Variants in PTPRN2 observed in about 807,000 individuals in gnomAD.
PTPRN2 encodes protein tyrosine phosphatase receptor type N2.
PTPRN2 carries 74 observed loss-of-function variants against 118.8 expected under a neutral mutation model. The observed-to-expected ratio is 0.62, with a 90% CI of 0.52 to 0.76. The LOEUF (loss-of-function observed/expected upper bound fraction) is 0.76, where lower values mean the gene tolerates loss of function less well. Ranked by LOEUF, PTPRN2 falls within the 30% of genes least tolerant of loss-of-function variation. The pLI is 0.00. For missense variants in PTPRN2, 1,481 were observed against 1,394.4 expected (o/e 1.06, Z -0.99); for synonymous variants, 641 against 608.0 (o/e 1.05, Z -0.80).
At chr7:157,898,647 C>G (rs763227659) in intron 12 of PTPRN2, 26 bp downstream of exon 12, 1 of 1,552,510 alleles carries the variant, frequency 6.4e-7, no homozygotes. Context: ...GATCGCAGAG[C>G]AGACGGCACC....
chr7:158,333,504 A>G (rs1239682683), intron 2 of PTPRN2, among the ~76,000 whole-genome samples: 2 of 148,650 alleles, frequency 1.3e-5, no homozygotes, highest in African/African-American at 5.2e-5. Flanking sequence ...CGTCACTCAC[A>G]CCCACACTCT....
chr7:158,421,257 G>A (rs796986054), intron 2 of PTPRN2, among the ~76,000 whole-genome samples: 71 of 152,222 alleles, frequency 4.7e-4, no homozygotes, highest in African/African-American at 1.6e-3. Context: ...AATCACACTT[G>A]AAAAAAGAGC....
Position 157,596,039 on chromosome 7 carries a change from T to A in PTPRN2, c.2419-724A>T, listed in dbSNP as rs548511845. 8.5e-5 allele frequency among the ~76,000 whole-genome samples: 13 copies of A among 152,316 alleles called. No homozygotes were observed. The Middle Eastern group carries it at 0.01, about 120-fold the overall frequency. On this transcript the variant is annotated intron_variant, in intron 16 of 22. Transcript: ENST00000389418. This position sits in a 1 kb window ranked among gnomAD's most constrained non-coding sequence, Gnocchi z 4.2. ...GCCACGGAGCCCACCCAGGCTGCCC[T>A]GTGTTCAGGAGAACGAGCCTCTTGC... is the stretch of plus-strand genomic sequence containing the variant.
chr7:157,743,014 T>C (rs1002188020), intron 12 of PTPRN2, among the ~76,000 whole-genome samples: 4 of 152,330 alleles, frequency 2.6e-5, no homozygotes, highest in African/African-American at 7.2e-5. Flanking sequence ...GCTTGTGTTA[T>C]CTGTGGTGAA....
chr7:157,803,664 C>T (rs982834563), intron 12 of PTPRN2, among the ~76,000 whole-genome samples: 1 of 152,160 alleles, frequency 6.6e-6, no homozygotes. Context: ...TCCAGTTTCC[C>T]CAGCACCTGT....
chr7:157,992,394 C>CT, intron 11 of PTPRN2, among the ~76,000 whole-genome samples: 1 of 152,318 alleles, frequency 6.6e-6, no homozygotes, highest in East Asian at 1.9e-4. Flanking sequence ...CTTGCAGCCT[C>CT]TGAGCTTCTG....
intron 2 of PTPRN2, among the ~76,000 whole-genome samples, chr7:158,330,118 A>G (rs1804075156): frequency 7.5e-6 from 1 of 132,622 alleles, no homozygotes; most frequent in Non-Finnish European, 1.7e-5. Flanking sequence ...CTCTCACCAT[A>G]AGAGCTGACA....
At chr7:158,045,999 T>A (rs911922644) in intron 11 of PTPRN2, among the ~76,000 whole-genome samples, 1 of 148,978 alleles carries the variant, frequency 6.7e-6, no homozygotes, top group African/African-American at 2.5e-5. Context: ...GAACCTGCGA[T>A]CCTGGAGTCC....
chr7:158,179,815 C>T (rs1004561725), intron 5 of PTPRN2, among the ~76,000 whole-genome samples: 14 of 152,312 alleles, frequency 9.2e-5, no homozygotes, highest in African/African-American at 2.9e-4. Context: ...TTTACACTTG[C>T]CATGACAACA....
At chr7:158,508,746 CGG>C (rs1822963650) in intron 1 of PTPRN2, among the ~76,000 whole-genome samples, 1 of 11,198 alleles carries the variant, frequency 8.9e-5, no homozygotes, top group Non-Finnish European at 1.6e-4. Flanking sequence ...GGAGCAGGTG[CGG>C]AAGTGGCTCT....
At position 158,136,555 on chromosome 7, in the gene PTPRN2, A is replaced by AG. The variant is rs3839696; in HGVS notation, c.1173+99_1173+100insC. The AG allele has an allele frequency of 5.2e-5, 60 of 1,153,608 alleles. 1 individual carries two copies. In the East Asian group the frequency reaches 1.4e-3, roughly 28 times the overall value. The allele number at this position is 1,153,608 out of a possible 1,614,324, so 71.5% of individuals were successfully genotyped here. A position where few individuals can be genotyped will look rare whatever the true frequency, so the allele number is the denominator to read the frequency against. ...AGGGGTTTCTCCATAATTTTCTGGG[A>AG]AAAAAACTTTTGTATTTCATAAATG... On this transcript the variant is annotated intron_variant, in intron 8 of 22. Transcript: ENST00000389418.
chr7:158,460,171 G>A (rs1818873311), intron 2 of PTPRN2, among the ~76,000 whole-genome samples: 1 of 84,346 alleles, frequency 1.2e-5, no homozygotes, highest in Non-Finnish European at 2.4e-5. Flanking sequence ...TAGAGGGGCT[G>A]TGTGCCGTGA....
At chr7:158,189,918 T>C (rs1391465824) in intron 5 of PTPRN2, among the ~76,000 whole-genome samples, 1 of 152,128 alleles carries the variant, frequency 6.6e-6, no homozygotes, top group African/African-American at 2.4e-5. Flanking sequence ...GTGGGAGAAA[T>C]GCCAGTTTCC....
At chr7:157,876,678 C>G (rs1795786256) in intron 12 of PTPRN2, among the ~76,000 whole-genome samples, 2 of 152,210 alleles carry the variant, frequency 1.3e-5, no homozygotes, top group African/African-American at 4.8e-5. Flanking sequence ...AGAGGCCGCA[C>G]TGCACCCCAA....
At chr7:158,199,679 G>C (rs1585825646) in intron 4 of PTPRN2, among the ~76,000 whole-genome samples, 1 of 152,356 alleles carries the variant, frequency 6.6e-6, no homozygotes, top group African/African-American at 2.4e-5. Flanking sequence ...GAGAAAGCCA[G>C]GTGACATTCT....
rs1585932549 is a variant in PTPRN2, at chr7:158,237,528, A to T, written c.278-32255T>A. 9.9e-5 allele frequency among the ~76,000 whole-genome samples: 3 copies of T among 30,420 alleles called. 1 individual carries two copies. The East Asian group carries it at 2.9e-3, about 29-fold the overall frequency. 20.0% of individuals were successfully genotyped at this position (30,420 alleles called of 152,430 possible). A position where few individuals can be genotyped will look rare whatever the true frequency, so the allele number is the denominator to read the frequency against. On this transcript the variant is annotated intron_variant, in intron 3 of 22. Transcript: ENST00000389418. Reference sequence around the variant, plus strand: ...GTTTGTCTGCTGACCCTCTCCCCACAATTGTCTTGTGACCCTGACACATCC... The same window carrying T: ...GTTTGTCTGCTGACCCTCTCCCCACTATTGTCTTGTGACCCTGACACATCC...
Position 157,986,812 on chromosome 7 carries a change from G to A in PTPRN2, c.1724-88075C>T, listed in dbSNP as rs879365953. The stretch of plus-strand genomic sequence containing the variant: ...GCAGAGGAGACATTTTGGAGCAGGT[G>A]GTCGGTGCCCACCCACTGACAGGAG... On this transcript the variant is annotated intron_variant, in intron 11 of 22. Coordinates refer to ENST00000389418, the MANE Select transcript of PTPRN2 (RefSeq NM_002847.5). This position sits in a 1 kb window ranked among gnomAD's most constrained non-coding sequence, Gnocchi z 4.5. Among the ~76,000 whole-genome samples the A allele has an allele frequency of 2.6e-5, 4 of 152,172 alleles. No individual in the cohort carries two copies. The highest frequency in any genetic ancestry group is 5.9e-5 in the Non-Finnish European group (4 of 68,022).
chr7:158,284,122 C>T (rs1186643195), intron 3 of PTPRN2, among the ~76,000 whole-genome samples: 4 of 152,262 alleles, frequency 2.6e-5, no homozygotes, highest in Admixed American at 6.5e-5. Flanking sequence ...TACACACACA[C>T]TTGTTTGCCT....
chr7:158,000,430 G>C (rs10281741), intron 11 of PTPRN2, among the ~76,000 whole-genome samples: 40,581 of 151,704 alleles, frequency 0.27, 5,617 homozygotes, highest in South Asian at 0.42. Context: ...TGAAAGCCGT[G>C]GAGAGGCCGG....
Sources: gnomAD v4.1 joint callset for allele counts (sites outside exome capture counted in the v4.1 genomes callset) on GRCh38, gnomAD v4.1.1 for gene constraint, Gnocchi (gnomAD v3.1) non-coding constraint, MANE v1.5 for transcripts, NCBI Gene and HGNC (gene_info 2026-07-23, HGNC 2026-07-21) for gene names.